SPON2: variants seen among roughly 807,000 people sequenced by gnomAD.
The protein encoded by SPON2 is spondin 2.
SPON2 carries 32 observed loss-of-function variants against 29.9 expected under a neutral mutation model. The observed-to-expected ratio is 1.07, with a 90% CI of 0.81 to 1.44. SPON2 has a LOEUF of 1.44. SPON2 is among the 40% of genes most tolerant of loss of function. The probability of loss-of-function intolerance (pLI) is 0.00; values close to 1 mark genes in which losing one functional copy is unlikely to be tolerated. For missense variants in SPON2, 541 were observed against 455.5 expected (o/e 1.19, Z -1.71); for synonymous variants, 248 against 209.1 (o/e 1.19, Z -1.61).
At chr4:1,199,166 A>C (rs1220871269), upstream of SPON2, 1 of 152,238 alleles carries the variant, frequency 6.6e-6, no homozygotes, top group Non-Finnish European at 1.5e-5. The surrounding 1 kb of genome is among the most constrained non-coding windows in gnomAD (Gnocchi z 4.5). Context: ...TGGGAGGCCA[A>C]GGTGGGCAGA....
chr4:1,194,083 G>A (rs1479031364), intron 1 of SPON2, among the ~76,000 whole-genome samples: 1 of 152,062 alleles, frequency 6.6e-6, no homozygotes, highest in Admixed American at 6.5e-5. Context: ...AAGTGGCCTT[G>A]CCAGAGGCCC....
upstream of SPON2, among the ~76,000 whole-genome samples, chr4:1,175,802 C>T (rs1454050638): frequency 1.3e-5 from 2 of 151,890 alleles, no homozygotes; most frequent in Admixed American, 6.6e-5. Context: ...CTGGGGGTCT[C>T]TAGCTAGGAT....
chr4:1,195,569 C>G (rs887756389), upstream of SPON2, among the ~76,000 whole-genome samples: 1 of 152,096 alleles, frequency 6.6e-6, no homozygotes, highest in African/African-American at 2.4e-5. Context: ...TAGGCACTGC[C>G]GCAGCCCCTC....
At chr4:1,176,843 A>ATTCACACACTTCATTCATTCC (rs1181551009), upstream of SPON2, among the ~76,000 whole-genome samples, 1 of 151,624 alleles carries the variant, frequency 6.6e-6, no homozygotes, top group Non-Finnish European at 1.5e-5. Context: ...CACACAGTTC[A>ATTCACACACTTCATTCATTCC]TTCACACACT....
rs756304136 is a variant in SPON2 at position 1,172,012 on chromosome 4, G to A, written c.60C>T (p.Ala20=). 5 of 1,612,662 alleles carry A rather than the reference G, an allele frequency of 3.1e-6. No individual in the cohort carries two copies. The highest frequency in any genetic ancestry group is 4.2e-6 in the Non-Finnish European group (5 of 1,179,872). ...GAGGCTGGCCGGCGGCGCCGAGAGT[G>A]GCCAGGAGGAGAGCGCAGAGGGCCT... The part of the protein sequence containing the change: ...LGKALCALLL[A]TLGAAGQPLG... Residue 20 remains alanine (A), a synonymous_variant, in exon 2 of 6, where the codon GCC becomes GCT. Coordinates refer to ENST00000290902, the MANE Select transcript of SPON2 (RefSeq NM_012445.4).
intron 1 of SPON2, among the ~76,000 whole-genome samples, chr4:1,189,989 CAAAA>C (rs34537590): frequency 7.5e-5 from 7 of 93,924 alleles, no homozygotes; most frequent in Admixed American, 9.9e-5. Flanking sequence ...GACTCCATCT[CAAAA>C]AAAAAAAAAA....
chr4:1,174,305 G>A (rs1220955610), upstream of SPON2, among the ~76,000 whole-genome samples: 1 of 151,998 alleles, frequency 6.6e-6, no homozygotes, highest in Non-Finnish European at 1.5e-5. Flanking sequence ...TGGCCAACAT[G>A]GTGAAGCCCC....
chr4:1,207,351 A>AC (rs916026259), intron 1 of SPON2, among the ~76,000 whole-genome samples: 21 of 152,084 alleles, frequency 1.4e-4, no homozygotes, highest in African/African-American at 4.6e-4. Context: ...CGGCGTCCCC[A>AC]CAGTGGGCAC....
intron 1 of SPON2, among the ~76,000 whole-genome samples, chr4:1,193,915 G>A (rs142576171): frequency 0.018 from 2,693 of 147,938 alleles, 33 homozygotes; most frequent in Middle Eastern, 0.045. Flanking sequence ...TGCGGGTGGC[G>A]TGGAAAGGAC....
chr4:1,201,000 G>A (rs570101678), intron 1 of SPON2: 118 of 456,692 alleles, frequency 2.6e-4, no homozygotes, highest in South Asian at 1.6e-3. Context: ...GGCCCCTCCC[G>A]TGTGGACTGT....
intron 3 of SPON2, 29 bp downstream of exon 3, chr4:1,171,234 A>ACCCCGCC (rs1727431379): frequency 7.0e-7 from 1 of 1,430,290 alleles, no homozygotes; most frequent in Admixed American, 3.1e-5. Flanking sequence ...GGCCCCCCGG[A>ACCCCGCC]CCCCGCCCCC....
At chr4:1,201,233 G>C (rs1249241319) in intron 1 of SPON2, 4 of 414,786 alleles carry the variant, frequency 9.6e-6, no homozygotes, top group African/African-American at 8.1e-5. Context: ...GGTGGGTCTG[G>C]CCCTGTGCCA....
intron 2 of SPON2, among the ~76,000 whole-genome samples, chr4:1,179,158 G>A (rs1016798220): frequency 6.6e-6 from 1 of 151,262 alleles, no homozygotes; most frequent in African/African-American, 2.4e-5. Flanking sequence ...TTTAGCTGAC[G>A]CTGAGTGGGG....
chr4:1,204,028 G>A (rs771271243), intron 1 of SPON2, among the ~76,000 whole-genome samples: 12 of 152,070 alleles, frequency 7.9e-5, no homozygotes, highest in Admixed American at 2.0e-4. Context: ...GCACCACCAC[G>A]TGGTGGCTAA....
chr4:1,206,268 G>A (rs957643850), intron 1 of SPON2, among the ~76,000 whole-genome samples: 2 of 152,094 alleles, frequency 1.3e-5, no homozygotes. Context: ...GACTGGAGAG[G>A]GCCCTGCCAA....
intron 1 of SPON2, among the ~76,000 whole-genome samples, chr4:1,190,100 C>T (rs1375843716): frequency 6.6e-6 from 1 of 151,298 alleles, no homozygotes; most frequent in South Asian, 2.1e-4. Flanking sequence ...AAATAGAAGA[C>T]ATTACTAATG....
rs118177451 is a variant in SPON2, at chr4:1,208,038, G to A, written c.-392C>T. 1.1e-3 allele frequency: 162 copies of A among 152,714 alleles called. 3 individuals carry two copies. In the East Asian group the frequency reaches 0.028, roughly 27 times the overall value. 9.5% of individuals were successfully genotyped at this position (152,714 alleles called of 1,614,324 possible). Reference sequence around the variant, plus strand: ...CTCAGCGGGGCAGAGGTCCTCCTCCGGGCGCCGGGCTCAGGGCCCAGTGGC... The same window carrying A: ...CTCAGCGGGGCAGAGGTCCTCCTCCAGGCGCCGGGCTCAGGGCCCAGTGGC... On this transcript the variant is annotated 5_prime_UTR_variant, in exon 1 of 4. Transcript: ENST00000509233.
At chr4:1,203,879 T>A (rs2108682931) in intron 1 of SPON2, among the ~76,000 whole-genome samples, 1 of 148,072 alleles carries the variant, frequency 6.8e-6, no homozygotes, top group East Asian at 2.0e-4. Flanking sequence ...TTCTTTTGCC[T>A]TTTTTTTTTG....
At chr4:1,193,777 C>G (rs62293585) in intron 1 of SPON2, among the ~76,000 whole-genome samples, 2 of 954 alleles carry the variant, frequency 2.1e-3, no homozygotes, top group Non-Finnish European at 5.5e-3. Flanking sequence ...TGGGGGGTGG[C>G]GTGGGAAGGA....
Sources: gnomAD v4.1 joint callset for allele counts (sites outside exome capture counted in the v4.1 genomes callset) on GRCh38, gnomAD v4.1.1 for gene constraint, Gnocchi (gnomAD v3.1) non-coding constraint, MANE v1.5 for transcripts, NCBI Gene and HGNC (gene_info 2026-07-23, HGNC 2026-07-21) for gene names.